Variants in SLC67A1 observed in about 807,000 individuals in gnomAD.
The protein encoded by SLC67A1 is solute carrier family 67 member 1, also known as solute carrier family 67 member A1.
At chr11:2,901,995 G>T in the SLC67A1 span, among the ~76,000 whole-genome samples, 1 of 152,184 alleles carries the variant, frequency 6.6e-6, no homozygotes, top group Non-Finnish European at 1.5e-5. Context: ...AGTGGACACC[G>T]GTGCTGCCTG....
At chr11:2,903,006 T>A in the SLC67A1 span, 1 of 301,622 alleles carries the variant, frequency 3.3e-6, no homozygotes, top group Non-Finnish European at 5.9e-6. Flanking sequence ...CACATTCCTG[T>A]GTCAGGCAAC....
At chr11:2,922,065 C>T in the SLC67A1 span, 8 of 1,503,582 alleles carry the variant, frequency 5.3e-6, no homozygotes, top group Non-Finnish European at 7.4e-6. Context: ...CCCTCGCCTC[C>T]CCCATACCCA....
the SLC67A1 span, among the ~76,000 whole-genome samples, chr11:2,908,889 C>T: frequency 6.6e-6 from 1 of 152,240 alleles, no homozygotes; most frequent in African/African-American, 2.4e-5. Context: ...CAAACGCCTT[C>T]TGTAAAACGC....
At chr11:2,918,041 C>T in the SLC67A1 span, 9 of 1,613,552 alleles carry the variant, frequency 5.6e-6, no homozygotes, top group Non-Finnish European at 7.6e-6. Context: ...CCTGCTGCGG[C>T]TGCCAGACGT....
the SLC67A1 span, chr11:2,909,178 C>G: frequency 1.1e-5 from 16 of 1,493,122 alleles, no homozygotes; most frequent in African/African-American, 1.9e-4. Flanking sequence ...AGGGTCCGAC[C>G]CGCCCCTCGG....
the SLC67A1 span, chr11:2,903,533 AC>A: frequency 6.2e-7 from 1 of 1,605,212 alleles, no homozygotes; most frequent in Non-Finnish European, 8.5e-7. Context: ...CCAGGGCTGA[AC>A]CGCTGTTCCT....
chr11:2,917,934 G>C, the SLC67A1 span: 42 of 1,414,454 alleles, frequency 3.0e-5, no homozygotes, highest in Non-Finnish European at 3.8e-5. Context: ...GCCGGGCGAG[G>C]GGTGGGCATT....
chr11:2,923,455 C>G, the SLC67A1 span, among the ~76,000 whole-genome samples: 1 of 146,658 alleles, frequency 6.8e-6, no homozygotes, highest in Non-Finnish European at 1.5e-5. This position sits in a 1 kb window ranked among gnomAD's most constrained non-coding sequence, Gnocchi z 6.5. Flanking sequence ...GGCAGCAGAT[C>G]CAGAAACTCA....
chr11:2,909,673 G>A, the SLC67A1 span: 3 of 1,541,876 alleles, frequency 1.9e-6, no homozygotes, highest in African/African-American at 1.4e-5. Context: ...AGTCATCCTC[G>A]GCTCCCTGCT....
At chr11:2,900,319 A>C in the SLC67A1 span, among the ~76,000 whole-genome samples, 1 of 152,204 alleles carries the variant, frequency 6.6e-6, no homozygotes, top group South Asian at 2.1e-4. Flanking sequence ...CAGAGGGCAG[A>C]TTGATTGGAC....
At chr11:2,920,926 A>C in the SLC67A1 span, 2 of 152,128 alleles carry the variant, frequency 1.3e-5, no homozygotes, top group Non-Finnish European at 2.9e-5. Flanking sequence ...CTCTTCCTTT[A>C]AGAAACGTGT....
At chr11:2,922,252 A>G in the SLC67A1 span, 1 of 1,563,840 alleles carries the variant, frequency 6.4e-7, no homozygotes, top group Non-Finnish European at 8.8e-7. Context: ...CTCACTGGGC[A>G]AGGCCACCTG....
the SLC67A1 span, among the ~76,000 whole-genome samples, chr11:2,917,486 G>A: frequency 4.6e-5 from 7 of 152,346 alleles, no homozygotes; most frequent in Admixed American, 3.3e-4. Flanking sequence ...GGTGAGCCGG[G>A]CTGGGGGCCT....
At chr11:2,916,875 T>C in the SLC67A1 span, 2 of 725,144 alleles carry the variant, frequency 2.8e-6, no homozygotes, top group Non-Finnish European at 4.8e-6. Flanking sequence ...CTGCCTTCCT[T>C]GAACCCTTCC....
At chr11:2,902,040 C>G in the SLC67A1 span, among the ~76,000 whole-genome samples, 1 of 152,220 alleles carries the variant, frequency 6.6e-6, no homozygotes, top group Non-Finnish European at 1.5e-5. Context: ...AGCCCGGGCA[C>G]CGGGCAGGAT....
the SLC67A1 span, chr11:2,921,253 T>C: frequency 6.9e-6 from 1 of 145,762 alleles, no homozygotes; most frequent in Non-Finnish European, 1.5e-5. Flanking sequence ...AAAAAAGGTG[T>C]TAAAATCCCA....
the SLC67A1 span, among the ~76,000 whole-genome samples, chr11:2,923,781 T>C: frequency 1.1e-3 from 165 of 152,260 alleles, no homozygotes; most frequent in African/African-American, 3.2e-3. This position sits in a 1 kb window ranked among gnomAD's most constrained non-coding sequence, Gnocchi z 6.5. Flanking sequence ...GCCCAGGCCA[T>C]TGGGCCACGT....
the SLC67A1 span, among the ~76,000 whole-genome samples, chr11:2,905,123 T>C: frequency 6.6e-6 from 1 of 152,032 alleles, no homozygotes; most frequent in Non-Finnish European, 1.5e-5. Flanking sequence ...TCGACCCCAG[T>C]GGAGAGCCGA....
At chr11:2,903,431 C>A in the SLC67A1 span, 1 of 1,613,182 alleles carries the variant, frequency 6.2e-7, no homozygotes. Flanking sequence ...ATCTTGCTTA[C>A]CTACGTGCTG....
Sources: gnomAD v4.1 joint callset for allele counts (sites outside exome capture counted in the v4.1 genomes callset) on GRCh38, gnomAD v4.1.1 for gene constraint, Gnocchi (gnomAD v3.1) non-coding constraint, MANE v1.5 for transcripts, NCBI Gene and HGNC (gene_info 2026-07-23, HGNC 2026-07-21) for gene names.